The following CLEC16A variants were observed in gnomAD, a reference collection of about 807,000 sequenced individuals.
CLEC16A encodes C-type lectin domain containing 16A.
Under a neutral mutation model 109.5 loss-of-function variants are expected in CLEC16A, and 51 were observed. The observed-to-expected ratio is 0.47, with a 90% CI of 0.37 to 0.59. The LOEUF is 0.59. Ranked by LOEUF, CLEC16A falls within the 20% of genes least tolerant of loss-of-function variation. The pLI, the probability that CLEC16A is intolerant of heterozygous loss-of-function variation, is 0.00. For missense variants in CLEC16A, 1,339 were observed against 1,394.0 expected (o/e 0.96, Z 0.63); for synonymous variants, 673 against 564.2 (o/e 1.19, Z -2.73).
chr16:10,948,038 C>T (rs573902098), intron 1 of CLEC16A, among the ~76,000 whole-genome samples: 62 of 152,106 alleles, frequency 4.1e-4, no homozygotes, highest in African/African-American at 9.6e-4. Flanking sequence ...GGACTACAGG[C>T]GCCCGCCACC....
intron 22 of CLEC16A, among the ~76,000 whole-genome samples, chr16:11,139,023 G>A (rs2053699596): frequency 6.6e-6 from 1 of 152,056 alleles, no homozygotes; most frequent in South Asian, 2.1e-4. Flanking sequence ...CTAGCTTAAG[G>A]CAAAATCTTA....
Position 11,153,768 on chromosome 16 carries a change from T to C in CLEC16A, c.2642-12620T>C, listed in dbSNP as rs149423007. Among the ~76,000 whole-genome samples, 1,302 of 152,160 alleles carry C rather than the reference T, an allele frequency of 8.6e-3. 20 individuals are homozygous for C. The highest frequency in any genetic ancestry group is 0.03 in the African/African-American group (1,234 of 41,468). ...CTTAGTTAAAGGAAATCAATACTTT[T>C]ATGATGAAATATTAATAATACTAAA... On this transcript the variant is annotated intron_variant, in intron 22 of 23. Coordinates refer to ENST00000409790, the MANE Select transcript of CLEC16A (RefSeq NM_015226.3).
At chr16:10,989,493 G>A (rs56349395) in intron 10 of CLEC16A, among the ~76,000 whole-genome samples, 47,847 of 151,936 alleles carry the variant, frequency 0.31, 7,871 homozygotes, top group South Asian at 0.45. Context: ...CCTTGGCCTC[G>A]CAAAGTGCTG....
chr16:11,118,853 A>G (rs1246888482), intron 19 of CLEC16A, among the ~76,000 whole-genome samples: 1 of 152,138 alleles, frequency 6.6e-6, no homozygotes, highest in Non-Finnish European at 1.5e-5. Context: ...TCTTCTGCGT[A>G]TGGCTGTCCG....
chr16:11,101,781 A>ACAC (rs2050930146), intron 19 of CLEC16A, among the ~76,000 whole-genome samples: 1 of 151,964 alleles, frequency 6.6e-6, no homozygotes, highest in South Asian at 2.1e-4. Flanking sequence ...GTTCGTGTAC[A>ACAC]AGTTCATTTT....
intron 19 of CLEC16A, among the ~76,000 whole-genome samples, chr16:11,106,868 G>C (rs1325396659): frequency 1.3e-5 from 2 of 152,178 alleles, no homozygotes; most frequent in African/African-American, 4.8e-5. Flanking sequence ...ACAGCTGGAA[G>C]GTGGCAGAGT....
At chr16:10,991,514 A>T (rs1004921931) in intron 10 of CLEC16A, among the ~76,000 whole-genome samples, 6 of 152,040 alleles carry the variant, frequency 3.9e-5, no homozygotes, top group Admixed American at 1.3e-4. Flanking sequence ...GCAAAGGGCA[A>T]TGTGGCAAGG....
intron 10 of CLEC16A, among the ~76,000 whole-genome samples, chr16:11,000,401 C>T (rs1029620954): frequency 6.6e-6 from 1 of 152,142 alleles, no homozygotes; most frequent in Non-Finnish European, 1.5e-5. Context: ...AACTAGGGGA[C>T]GTTTTGCCCT....
At chr16:11,163,218 C>A (rs1238846081) in intron 22 of CLEC16A, among the ~76,000 whole-genome samples, 1 of 152,212 alleles carries the variant, frequency 6.6e-6, no homozygotes, top group Admixed American at 6.5e-5. Flanking sequence ...CTCCCCAGCA[C>A]CCTCCTGATT....
At chr16:11,067,129 G>C (rs1003139382) in intron 19 of CLEC16A, among the ~76,000 whole-genome samples, 3 of 149,902 alleles carry the variant, frequency 2.0e-5, no homozygotes, top group African/African-American at 4.9e-5. Context: ...TGCTTTAATG[G>C]GGAGTGGGTT....
chr16:11,114,307 T>C (rs2051819782), intron 19 of CLEC16A, among the ~76,000 whole-genome samples: 1 of 152,160 alleles, frequency 6.6e-6, no homozygotes, highest in African/African-American at 2.4e-5. Context: ...ATCATTGTCT[T>C]CTGATAATTT....
At chr16:11,079,010 G>C (rs1489448451) in intron 19 of CLEC16A, among the ~76,000 whole-genome samples, 2 of 152,172 alleles carry the variant, frequency 1.3e-5, no homozygotes, top group Non-Finnish European at 2.9e-5. Flanking sequence ...CACCTGTCTT[G>C]AGAGGAAGGG....
At chr16:11,012,538 T>C (rs28874373) in intron 11 of CLEC16A, among the ~76,000 whole-genome samples, 16,027 of 135,712 alleles carry the variant, frequency 0.12, 873 homozygotes, top group Admixed American at 0.15. Flanking sequence ...GAGCTTGTGG[T>C]GAGCCGAGAT....
chr16:10,972,074 C>T (rs904899903), intron 5 of CLEC16A, among the ~76,000 whole-genome samples: 2 of 152,222 alleles, frequency 1.3e-5, no homozygotes, highest in Non-Finnish European at 2.9e-5. Flanking sequence ...AAACTGAGGA[C>T]CTGTGGGCCA....
chr16:11,017,631 G>T (rs946754961), intron 11 of CLEC16A, among the ~76,000 whole-genome samples: 1 of 152,194 alleles, frequency 6.6e-6, no homozygotes, highest in Non-Finnish European at 1.5e-5. Flanking sequence ...GCTTGGCCAA[G>T]TATTGGAGAT....
chr16:11,148,439 A>G (rs1332324932), intron 22 of CLEC16A, among the ~76,000 whole-genome samples: 4 of 152,240 alleles, frequency 2.6e-5, no homozygotes, highest in Admixed American at 2.0e-4. Flanking sequence ...TTATTGAGCA[A>G]TTACTGCATA....
chr16:11,050,311 C>T (rs986648002), intron 17 of CLEC16A, among the ~76,000 whole-genome samples: 7 of 152,214 alleles, frequency 4.6e-5, no homozygotes, highest in Admixed American at 2.0e-4. Context: ...GATTAAGTTT[C>T]CAACACATGA....
chr16:11,103,635 T>C (rs954821762), intron 19 of CLEC16A, among the ~76,000 whole-genome samples: 1 of 152,176 alleles, frequency 6.6e-6, no homozygotes, highest in Non-Finnish European at 1.5e-5. Flanking sequence ...CCTTGGGCTG[T>C]GTCATGGCCT....
At chr16:11,161,328 T>G (rs1342863608) in intron 22 of CLEC16A, among the ~76,000 whole-genome samples, 1 of 152,174 alleles carries the variant, frequency 6.6e-6, no homozygotes, top group Non-Finnish European at 1.5e-5. Context: ...CCCTACCTTA[T>G]GCAAAGACTC....
Sources: gnomAD v4.1 joint callset for allele counts (sites outside exome capture counted in the v4.1 genomes callset) on GRCh38, gnomAD v4.1.1 for gene constraint, MANE v1.5 for transcripts, NCBI Gene and HGNC (gene_info 2026-07-23, HGNC 2026-07-21) for gene names.